Variants in FREM1 observed in about 807,000 individuals in gnomAD.
The protein encoded by FREM1 is FRAS1-related extracellular matrix protein 1.
In FREM1, 220 loss-of-function variants were observed where a neutral mutation model predicts 210.1. The ratio of observed to expected loss-of-function variants is 1.05; its 90% CI spans 0.94 to 1.17. The LOEUF is 1.17. Ranked by LOEUF, FREM1 falls within the 50% of genes most tolerant of loss-of-function variation. The pLI is 0.00. For synonymous variants in FREM1, 1,189 were observed against 980.2 expected (o/e 1.21, Z -3.98); for missense variants, 3,454 against 2,675.5 (o/e 1.29, Z -6.42).
chr9:14,771,901 A>G (rs1847634039), intron 25 of FREM1, among the ~76,000 whole-genome samples: 1 of 152,082 alleles, frequency 6.6e-6, no homozygotes, highest in Non-Finnish European at 1.5e-5. Flanking sequence ...ATAGAATTCG[A>G]ATATAATTAT....
intron 1 of FREM1, among the ~76,000 whole-genome samples, chr9:14,906,502 C>T (rs926959884): frequency 4.6e-5 from 7 of 151,892 alleles, no homozygotes; most frequent in African/African-American, 1.7e-4. Context: ...ATCACTTTAA[C>T]AAAAAAGAAA....
At chr9:14,828,642 G>GGT (rs1822942639) in intron 10 of FREM1, among the ~76,000 whole-genome samples, 1 of 94,772 alleles carries the variant, frequency 1.1e-5, no homozygotes, top group Non-Finnish European at 2.6e-5. Flanking sequence ...TTGTGGCGGG[G>GGT]CGGGGGAGGT....
At chr9:14,753,763 C>G (rs1218922726) in intron 29 of FREM1, among the ~76,000 whole-genome samples, 2 of 152,186 alleles carry the variant, frequency 1.3e-5, no homozygotes, top group Non-Finnish European at 2.9e-5. Context: ...TTTACTGGAC[C>G]TGTGGACATG....
chr9:14,750,787 C>A (rs1189625988), intron 29 of FREM1, among the ~76,000 whole-genome samples: 3 of 152,068 alleles, frequency 2.0e-5, no homozygotes, highest in Non-Finnish European at 2.9e-5. Flanking sequence ...CTTTCTAGCC[C>A]ACAAATGCTT....
chr9:14,767,540 T>C (rs181083261), intron 27 of FREM1, among the ~76,000 whole-genome samples: 1 of 152,324 alleles, frequency 6.6e-6, no homozygotes, highest in African/African-American at 2.4e-5. Context: ...GTGGTTCTGA[T>C]GATTAAATGA....
rs144912230 is a variant in FREM1 at position 14,877,780 on chromosome 9, G to T, written c.-267-8536C>A. Among the ~76,000 whole-genome samples the T allele has an allele frequency of 2.7e-3, 409 of 152,266 alleles. 2 individuals carry two copies. The highest frequency in any genetic ancestry group is 9.4e-3 in the African/African-American group (390 of 41,550). The stretch of plus-strand genomic sequence containing the variant: ...TAAGAATGAAGGCCGTCAACATCTT[G>T]ACTGCAGCCTGGTGGCAACCTAAAG... On this transcript the variant is annotated intron_variant, in intron 1 of 36. Transcript: ENST00000380880.
chr9:14,824,510 T>C (rs1821973678), intron 11 of FREM1, among the ~76,000 whole-genome samples: 1 of 152,172 alleles, frequency 6.6e-6, no homozygotes, highest in African/African-American at 2.4e-5. Context: ...TAAATTGTAC[T>C]AAAAGAAAAA....
intron 16 of FREM1, among the ~76,000 whole-genome samples, chr9:14,812,395 G>A (rs938196709): frequency 1.3e-5 from 2 of 152,114 alleles, no homozygotes; most frequent in African/African-American, 4.8e-5. Flanking sequence ...AAGCAGACCA[G>A]TTGCTTCTTA....
chr9:14,880,202 T>C (rs1834538086), intron 1 of FREM1, among the ~76,000 whole-genome samples: 1 of 152,084 alleles, frequency 6.6e-6, no homozygotes, highest in South Asian at 2.1e-4. Flanking sequence ...GGAATAAAGT[T>C]CTATTCTTTA....
At chr9:14,804,865 G>A in intron 19 of FREM1, 91 bp downstream of exon 19, 1 of 899,182 alleles carries the variant, frequency 1.1e-6, no homozygotes, top group Non-Finnish European at 1.8e-6. Context: ...AATGCAATGT[G>A]TTAATGCACT....
rs16932357 is a variant in FREM1, at chr9:14,852,343, A to G, written c.829-736T>C. Among the ~76,000 whole-genome samples the G allele has an allele frequency of 7.4e-3, 1,132 of 152,246 alleles. 12 individuals are homozygous for G. The highest frequency in any genetic ancestry group is 0.026 in the African/African-American group (1,089 of 41,542). On this transcript the variant is annotated intron_variant, in intron 5 of 36. Transcript: ENST00000380880. Reference sequence around the variant, plus strand: ...GAGCAAGAGACCCTCCAAAGAAACCATGAAATTGTGCCACAAGATCTAAGA... The same window carrying G: ...GAGCAAGAGACCCTCCAAAGAAACCGTGAAATTGTGCCACAAGATCTAAGA...
intron 19 of FREM1, among the ~76,000 whole-genome samples, chr9:14,803,417 T>G (rs1483251003): frequency 6.7e-6 from 1 of 149,440 alleles, no homozygotes; most frequent in Non-Finnish European, 1.5e-5. Context: ...TACAGTACAG[T>G]GGCTCAATCA....
intron 21 of FREM1, among the ~76,000 whole-genome samples, chr9:14,794,136 G>A (rs570337890): frequency 2.0e-5 from 3 of 152,330 alleles, no homozygotes; most frequent in East Asian, 3.9e-4. Context: ...GACAAGGTGT[G>A]TCATAATCTA....
intron 1 of FREM1, among the ~76,000 whole-genome samples, chr9:14,893,636 T>C (rs1837240531): frequency 6.6e-6 from 1 of 151,848 alleles, no homozygotes; most frequent in African/African-American, 2.4e-5. Context: ...AAAAGTGTAA[T>C]GCCTTTTAGT....
At chr9:14,869,823 C>A (rs1326539306) in intron 1 of FREM1, among the ~76,000 whole-genome samples, 1 of 152,156 alleles carries the variant, frequency 6.6e-6, no homozygotes, top group Non-Finnish European at 1.5e-5. Flanking sequence ...TCTAAGTGAA[C>A]ATTCAAGTTT....
At chr9:14,854,445 A>T (rs1460812652) in intron 5 of FREM1, among the ~76,000 whole-genome samples, 2 of 152,164 alleles carry the variant, frequency 1.3e-5, no homozygotes, top group South Asian at 4.1e-4. Flanking sequence ...ATACAAATTG[A>T]TCATTAATGG....
intron 1 of FREM1, among the ~76,000 whole-genome samples, chr9:14,897,765 A>C (rs1458703281): frequency 6.6e-6 from 1 of 152,002 alleles, no homozygotes; most frequent in Non-Finnish European, 1.5e-5. Context: ...TAATTTAAAA[A>C]AATTTTTTTG....
intron 4 of FREM1, among the ~76,000 whole-genome samples, chr9:14,858,464 T>C (rs1829191869): frequency 6.6e-6 from 1 of 150,876 alleles, no homozygotes; most frequent in South Asian, 2.1e-4. Flanking sequence ...CCTCCCAAAG[T>C]GCTGGGATTA....
intron 36 of FREM1, among the ~76,000 whole-genome samples, chr9:14,739,475 T>TATATATATATATAA (rs1841082355): frequency 6.5e-5 from 6 of 91,632 alleles, no homozygotes; most frequent in African/African-American, 2.5e-4. Flanking sequence ...TATATATATA[T>TATATATATATATAA]AATTCATATA....
Sources: gnomAD v4.1 joint callset for allele counts (sites outside exome capture counted in the v4.1 genomes callset) on GRCh38, gnomAD v4.1.1 for gene constraint, MANE v1.5 for transcripts, NCBI Gene and HGNC (gene_info 2026-07-23, HGNC 2026-07-21) for gene names.